The following CHAF1A variants were observed in gnomAD, a reference collection of about 807,000 sequenced individuals.
CHAF1A encodes the protein chromatin assembly factor 1 subunit A.
Under a neutral mutation model 93.2 loss-of-function variants are expected in CHAF1A, and 5 were observed. That is an observed-to-expected ratio of 0.05 (90% CI 0.03 to 0.11). The LOEUF is 0.11. Among genes scored for constraint, CHAF1A ranks in the 10% least tolerant of loss-of-function variants. The probability of loss-of-function intolerance (pLI) is 1.00; values close to 1 mark genes in which losing one functional copy is unlikely to be tolerated. For missense variants in CHAF1A, 1,102 were observed against 1,259.9 expected, an observed-to-expected ratio of 0.87 and a Z score of 1.90; for synonymous variants, 504 against 510.3, an observed-to-expected ratio of 0.99 and a Z score of 0.17.
Position 4,409,307 on chromosome 19 carries a change from G to T in CHAF1A, c.508G>T (p.Ala170Ser). Residue 170 changes from alanine (A) to serine (S), a missense_variant, in exon 3 of 15, where the codon GCA becomes TCA. By Grantham distance (99) the Ala-to-Ser change is moderately conservative. Transcript: ENST00000301280. ...GAAGGCCATTCAGAACGACAAGTTG[G>T]CATTTCCTGGAGAGACCCTTTCAGA... The part of the protein sequence containing the change: ...LLKAIQNDKL[A>S]FPGETLSDIP... The T allele has an allele frequency of 6.2e-7, 1 of 1,614,118 alleles. No individual in the cohort carries two copies. The highest frequency in any genetic ancestry group is 1.1e-5 in the South Asian group (1 of 91,064).
chr19:4,427,853 G>A lies in CHAF1A; in HGVS notation c.1378-811G>A, dbSNP rs185421341. 2.3e-3 allele frequency among the ~76,000 whole-genome samples: 346 copies of A among 152,240 alleles called. 1 individual carries two copies. The highest frequency in any genetic ancestry group is 7.7e-3 in the African/African-American group (318 of 41,538). ...TCCACCCGCCTCGGCCTCCCAAAGC[G>A]CTACAATTACAGGCGTGAGCCACCG... On this transcript the variant is annotated intron_variant, in intron 7 of 14. Coordinates refer to ENST00000301280, the MANE Select transcript of CHAF1A (RefSeq NM_005483.3).
chr19:4,407,974 A>T (rs1045169974), intron 2 of CHAF1A, among the ~76,000 whole-genome samples: 3 of 151,642 alleles, frequency 2.0e-5, no homozygotes, highest in East Asian at 1.9e-4. Flanking sequence ...TAAAATTAGG[A>T]TGTTAGAAAA....
intron 11 of CHAF1A, among the ~76,000 whole-genome samples, chr19:4,431,485 T>C (rs1191567198): frequency 1.3e-5 from 2 of 151,674 alleles, no homozygotes. Context: ...AGGCCTGTCG[T>C]TTGGGAAGTG....
At chr19:4,446,524 T>A (rs1974527854), downstream of CHAF1A, 1 of 1,611,164 alleles carries the variant, frequency 6.2e-7, no homozygotes, top group Non-Finnish European at 8.5e-7. Context: ...CCGCTTGATC[T>A]CCTCTGCTGT....
At chr19:4,445,369 G>T, downstream of CHAF1A, 2 of 1,462,746 alleles carry the variant, frequency 1.4e-6, no homozygotes, top group South Asian at 1.3e-5. Flanking sequence ...CACGGCTGGC[G>T]CCCCTCCCGT....
intron 1 of CHAF1A, among the ~76,000 whole-genome samples, chr19:4,403,715 C>G (rs754929331): frequency 6.6e-6 from 1 of 152,262 alleles, no homozygotes; most frequent in Non-Finnish European, 1.5e-5. Flanking sequence ...TGCCCTGTGT[C>G]CCCTATGGGG....
intron 10 of CHAF1A, chr19:4,430,180 ATT>A (rs140348726): frequency 0.016 from 5,276 of 320,662 alleles, 61 homozygotes; most frequent in Non-Finnish European, 0.019. Flanking sequence ...ACAGCTTTAC[ATT>A]TTTTTGTTTC....
chr19:4,423,486 T>C (rs1974026835), intron 6 of CHAF1A, 91 bp downstream of exon 6: 2 of 1,597,648 alleles, frequency 1.3e-6, no homozygotes, highest in Admixed American at 1.8e-5. Flanking sequence ...TCACCTAATA[T>C]TCTCTTGGTT....
intron 11 of CHAF1A, 53 bp from the exon 12 acceptor site, chr19:4,431,899 C>T (rs243371): frequency 0.29 from 450,940 of 1,543,410 alleles, 70,365 homozygotes; most frequent in East Asian, 0.61. Flanking sequence ...AAAGAGTGCC[C>T]GGGCATAGGG....
chr19:4,443,806 T>C (rs1002383928), downstream of CHAF1A, among the ~76,000 whole-genome samples: 25 of 152,258 alleles, frequency 1.6e-4, no homozygotes, highest in Non-Finnish European at 7.4e-5. Context: ...GAGTGGGCTT[T>C]ATCCACACTG....
chr19:4,419,408 T>C (rs1973951822), intron 4 of CHAF1A, among the ~76,000 whole-genome samples: 1 of 151,924 alleles, frequency 6.6e-6, no homozygotes, highest in South Asian at 2.1e-4. Context: ...TTTTTGTGTT[T>C]CAGATTTGGG....
downstream of CHAF1A, chr19:4,448,656 A>G: frequency 1.8e-6 from 1 of 555,418 alleles, no homozygotes; most frequent in Non-Finnish European, 3.2e-6. Context: ...CCGCCTTCTC[A>G]AGGCTAGATC....
intron 13 of CHAF1A, among the ~76,000 whole-genome samples, chr19:4,438,989 A>C (rs1035350873): frequency 2.0e-5 from 3 of 151,652 alleles, no homozygotes; most frequent in Admixed American, 6.6e-5. Flanking sequence ...CTCAAAAAAA[A>C]AGCATAGATG....
rs1974000708 is a variant in CHAF1A, at chr19:4,422,129, C to T, written c.1018-437C>T. On this transcript the variant is annotated intron_variant, in intron 4 of 14. Coordinates refer to ENST00000301280, the MANE Select transcript of CHAF1A (RefSeq NM_005483.3). The surrounding 1 kb of genome is among the most constrained non-coding windows in gnomAD (Gnocchi z 4.6). The stretch of plus-strand genomic sequence containing the variant: ...GTTTCAAGCAATTCTTCTGCCTCAG[C>T]CTCCCCAGTAGCTGGGATTACAGGC... Among the ~76,000 whole-genome samples the T allele has an allele frequency of 6.6e-6, 1 of 152,128 alleles. No homozygotes were observed. The highest frequency in any genetic ancestry group is 1.5e-5 in the Non-Finnish European group (1 of 68,032).
intron 13 of CHAF1A, among the ~76,000 whole-genome samples, chr19:4,438,697 TA>T (rs773998285): frequency 7.8e-4 from 118 of 152,134 alleles, no homozygotes; most frequent in Middle Eastern, 3.4e-3. Context: ...TAAAGAAGCA[TA>T]GATGGCCGGG....
At chr19:4,434,082 C>T (rs956269929) in intron 13 of CHAF1A, among the ~76,000 whole-genome samples, 3 of 152,166 alleles carry the variant, frequency 2.0e-5, no homozygotes, top group South Asian at 2.1e-4. Flanking sequence ...CACTGTGGCT[C>T]ACGCCTGTAG....
At chr19:4,447,411 C>T (rs768690108), downstream of CHAF1A, 118 of 884,282 alleles carry the variant, frequency 1.3e-4, no homozygotes, top group Non-Finnish European at 1.9e-4. Flanking sequence ...TTCTACTGGC[C>T]GAACCCTTCA....
chr19:4,432,058 A>G lies in CHAF1A; in HGVS notation c.2054A>G (p.Lys685Arg). ...GKRFRVLQPV[K>R]IGCVWAADRD... ...CGCTTTCGCGTCCTGCAACCTGTGAAGATCGGCTGCGTGTGGGCGGCTGAC... is the reference window on the plus strand; with the variant it reads ...CGCTTTCGCGTCCTGCAACCTGTGAGGATCGGCTGCGTGTGGGCGGCTGAC... The change falls in exon 12 of 15, where the codon AAG (lysine) becomes AGG (arginine). Residue 685 changes from lysine to arginine, a missense_variant. Lys to Arg is a conservative substitution (Grantham distance 26). Transcript: ENST00000301280. The G allele has an allele frequency of 6.2e-7, 1 of 1,614,142 alleles. No individual in the cohort carries two copies. Among genetic ancestry groups the G allele is most frequent in the Non-Finnish European group, 8.5e-7 (1 of 1,180,006 alleles).
chr19:4,415,740 G>A (rs1481599933), intron 3 of CHAF1A, among the ~76,000 whole-genome samples: 7 of 152,056 alleles, frequency 4.6e-5, no homozygotes, highest in Admixed American at 3.9e-4. Context: ...TTCTCACAAC[G>A]GCTCGGCCTT....
Sources: allele counts gnomAD v4.1 joint callset (sites outside exome capture counted in the v4.1 genomes callset), GRCh38; gene constraint gnomAD v4.1.1; non-coding constraint Gnocchi (gnomAD v3.1); transcripts MANE v1.5; gene names NCBI Gene and HGNC (gene_info 2026-07-23, HGNC 2026-07-21).